RTF1: variants seen among roughly 807,000 people sequenced by gnomAD.
The protein encoded by RTF1 is RNA polymerase-associated protein RTF1 homolog.
A neutral mutation model predicts 95.7 loss-of-function variants in RTF1; 10 were observed. That is an observed-to-expected ratio of 0.10 (90% CI 0.06 to 0.18). The LOEUF (loss-of-function observed/expected upper bound fraction) is 0.18, where lower values mean the gene tolerates loss of function less well. RTF1 is among the 10% of genes least tolerant of loss of function. The probability of loss-of-function intolerance (pLI) is 1.00; values close to 1 mark genes in which losing one functional copy is unlikely to be tolerated. For missense variants in RTF1, 458 were observed against 875.6 expected (o/e 0.52, Z 6.02); for synonymous variants, 305 against 311.8 (o/e 0.98, Z 0.23).
In RTF1 at chr15:41,470,303, C is replaced by T. The variant is rs752118747; in HGVS notation, c.936C>T (p.Tyr312=). ...KKQPLKTSEV[Y]SDDEEEEEDD... ...AGCCATTAAAAACCAGTGAGGTCTACTCTGATGATGAAGAGGAGGAAGAGG... is the reference window on the plus strand; with the variant it reads ...AGCCATTAAAAACCAGTGAGGTCTATTCTGATGATGAAGAGGAGGAAGAGG... Residue 312 remains tyrosine (Y), a synonymous_variant, in exon 7 of 18, where the codon TAC becomes TAT. Coordinates refer to ENST00000389629, the MANE Select transcript of RTF1 (RefSeq NM_015138.5). 18 of 1,614,104 alleles carry T rather than the reference C, an allele frequency of 1.1e-5. No homozygotes were observed. The highest frequency in any genetic ancestry group is 1.5e-5 in the Non-Finnish European group (18 of 1,180,000).
At chr15:41,472,620 G>T (rs1306284264) in intron 8 of RTF1, among the ~76,000 whole-genome samples, 1 of 151,974 alleles carries the variant, frequency 6.6e-6, no homozygotes, top group African/African-American at 2.4e-5. Context: ...CTGGGTTCAA[G>T]CGATTCTCAT....
At chr15:41,419,388 A>G (rs529315707) in intron 1 of RTF1, among the ~76,000 whole-genome samples, 3 of 152,228 alleles carry the variant, frequency 2.0e-5, no homozygotes, top group Non-Finnish European at 4.4e-5. Context: ...AGGTTGAAAA[A>G]GTTAAATAAC....
At chr15:41,444,648 T>C (rs942871555) in intron 2 of RTF1, among the ~76,000 whole-genome samples, 7 of 152,142 alleles carry the variant, frequency 4.6e-5, no homozygotes, top group African/African-American at 1.7e-4. Context: ...TGATTACGAA[T>C]AACAGTTCTT....
intron 1 of RTF1, among the ~76,000 whole-genome samples, chr15:41,431,803 CT>C (rs112428098): frequency 0.014 from 2,046 of 143,716 alleles, 25 homozygotes; most frequent in African/African-American, 0.029. Context: ...CTGGCTCATA[CT>C]TTTTTTTTTT....
intron 11 of RTF1, 97 bp downstream of exon 11, chr15:41,475,916 G>A (rs185633003): frequency 9.3e-6 from 6 of 647,882 alleles, no homozygotes; most frequent in Admixed American, 5.9e-5. Context: ...GACATTTTTA[G>A]CTATGCATGA....
Position 41,417,115 on chromosome 15 carries a change from C to T in RTF1, c.-1C>T. ...GGCCAGGGGGGCGGAGCGGAGCGCG[C>T]ATGCGCGGTCGCCTTTGTGTGGGTC... On this transcript the variant is annotated 5_prime_UTR_variant, in exon 1 of 18. Coordinates refer to ENST00000389629, the MANE Select transcript of RTF1 (RefSeq NM_015138.5). 8.1e-7 allele frequency: 1 copy of T among 1,240,518 alleles called. No homozygotes were observed. The highest frequency in any genetic ancestry group is 1.0e-6 in the Non-Finnish European group (1 of 988,310). The allele number at this position is 1,240,518 out of a possible 1,614,324, so 76.8% of individuals were successfully genotyped here.
rs554666087 is a variant in RTF1 at position 41,481,076 on chromosome 15, C to T, written c.*389C>T. The T allele has an allele frequency of 5.4e-6, 1 of 185,468 alleles. No individual in the cohort carries two copies. The highest frequency in any genetic ancestry group is 2.3e-5 in the African/African-American group (1 of 43,212). 11.5% of individuals were successfully genotyped at this position (185,468 alleles called of 1,614,324 possible). On this transcript the variant is annotated 3_prime_UTR_variant, in exon 18 of 18. Coordinates refer to ENST00000389629, the MANE Select transcript of RTF1 (RefSeq NM_015138.5). ...TAGCAGCAGCACCAGGCGGTCTCCT[C>T]TACAGACTGCCTTGGCCCACCCATT...
chr15:41,427,352 C>T (rs981074532), intron 1 of RTF1, among the ~76,000 whole-genome samples: 2 of 151,452 alleles, frequency 1.3e-5, no homozygotes, highest in Non-Finnish European at 2.9e-5. Flanking sequence ...GGGGTTTCAC[C>T]GTGTTAGCCA....
chr15:41,451,514 T>G (rs2050789516), intron 2 of RTF1, among the ~76,000 whole-genome samples: 1 of 152,206 alleles, frequency 6.6e-6, no homozygotes, highest in Admixed American at 6.5e-5. Flanking sequence ...AAATTACAGG[T>G]TCCTTATGTC....
In RTF1 at chr15:41,450,038, G is replaced by A. The variant is rs954713683; in HGVS notation, c.310-2863G>A. Among the ~76,000 whole-genome samples the A allele has an allele frequency of 2.0e-5, 3 of 151,926 alleles. No individual in the cohort carries two copies. The East Asian group carries it at 5.8e-4, about 29-fold the overall frequency. The stretch of plus-strand genomic sequence containing the variant: ...TAGTGAGACCTCCTCTCTACAAAAA[G>A]TTAACAAATTAGCCAGGTATAGTGG... On this transcript the variant is annotated intron_variant, in intron 2 of 17. Coordinates refer to ENST00000389629, the MANE Select transcript of RTF1 (RefSeq NM_015138.5).
intron 5 of RTF1, 117 bp from the exon 6 acceptor site, chr15:41,466,024 C>G (rs932679852): frequency 3.3e-6 from 2 of 604,284 alleles, no homozygotes; most frequent in Non-Finnish European, 5.5e-6. Context: ...CATAAAAGCT[C>G]TAAGTTTTTG....
chr15:41,480,488 G>A (rs1566851402), intron 17 of RTF1, 93 bp from the exon 18 acceptor site: 2 of 1,037,984 alleles, frequency 1.9e-6, no homozygotes, highest in East Asian at 2.4e-5. Flanking sequence ...GAGGGAACAG[G>A]GCCACAGTCA....
At chr15:41,429,477 C>T (rs1284762685) in intron 1 of RTF1, among the ~76,000 whole-genome samples, 2 of 149,548 alleles carry the variant, frequency 1.3e-5, no homozygotes, top group African/African-American at 2.5e-5. Flanking sequence ...CAGGAGTGCT[C>T]TTTTAAAACC....
At chr15:41,453,331 C>T (rs1227931007) in intron 3 of RTF1, among the ~76,000 whole-genome samples, 1 of 152,116 alleles carries the variant, frequency 6.6e-6, no homozygotes, top group Non-Finnish European at 1.5e-5. Flanking sequence ...TTTCCCTCCC[C>T]TTTTTTTCTT....
At chr15:41,431,249 T>C (rs2050670763) in intron 1 of RTF1, among the ~76,000 whole-genome samples, 1 of 141,184 alleles carries the variant, frequency 7.1e-6, no homozygotes, top group Non-Finnish European at 1.5e-5. Context: ...AGTTTTGCTC[T>C]TGTTGCCCAG....
chr15:41,426,781 ATGTGTGTGTGTG>A lies in RTF1; in HGVS notation c.198+9502_198+9513del, dbSNP rs58073154. Among the ~76,000 whole-genome samples the A allele has an allele frequency of 5.8e-3, 457 of 78,454 alleles. 4 individuals are homozygous for A. Among genetic ancestry groups the A allele is most frequent in the Middle Eastern group, 0.02 (3 of 150 alleles). The allele number at this position is 78,454 out of a possible 152,430, so 51.5% of individuals were successfully genotyped here. ...TACTGTGCCCAGCCGCTACATATAT[ATGTGTGTGTGTG>A]TGTGTGTGTGTGTGTGTGTGTGTGT... On this transcript the variant is annotated intron_variant, in intron 1 of 17. Coordinates refer to ENST00000389629, the MANE Select transcript of RTF1 (RefSeq NM_015138.5).
At chr15:41,450,412 C>G (rs1032162782) in intron 2 of RTF1, among the ~76,000 whole-genome samples, 2 of 150,962 alleles carry the variant, frequency 1.3e-5, no homozygotes, top group Non-Finnish European at 2.9e-5. Flanking sequence ...ATGGAGAAAC[C>G]CCGTCTCTGC....
In RTF1 at chr15:41,480,718, A is replaced by C. The variant is rs1242144475; in HGVS notation, c.*31A>C. 6.7e-7 allele frequency: 1 copy of C among 1,482,748 alleles called. No individual in the cohort carries two copies. Among genetic ancestry groups the C allele is most frequent in the African/African-American group, 1.4e-5 (1 of 72,244 alleles). 91.8% of individuals were successfully genotyped at this position (1,482,748 alleles called of 1,614,324 possible). ...CCCAGCCTGCTGCTTCTGACCCTGC[A>C]TGCCCCATCGCAGCGTCCCACCTTT... On this transcript the variant is annotated 3_prime_UTR_variant, in exon 18 of 18. Coordinates refer to ENST00000389629, the MANE Select transcript of RTF1 (RefSeq NM_015138.5).
intron 7 of RTF1, among the ~76,000 whole-genome samples, 155 bp from the exon 8 acceptor site, chr15:41,471,017 G>A (rs1207765893): frequency 2.6e-5 from 4 of 152,086 alleles, no homozygotes; most frequent in African/African-American, 9.7e-5. Context: ...TCAGGAACAG[G>A]ATCCTATTAC....
Sources: gnomAD v4.1 joint callset for allele counts (sites outside exome capture counted in the v4.1 genomes callset) on GRCh38, gnomAD v4.1.1 for gene constraint, MANE v1.5 for transcripts, NCBI Gene and HGNC (gene_info 2026-07-23, HGNC 2026-07-21) for gene names.